Variants in INPP5A observed in about 807,000 individuals in gnomAD.
The protein encoded by INPP5A is inositol polyphosphate-5-phosphatase A, also known as 43 kDa inositol polyphosphate 5-phophatase.
A neutral mutation model predicts 65.2 loss-of-function variants in INPP5A; 14 were observed. That is an observed-to-expected ratio of 0.21 (90% CI 0.14 to 0.34). The LOEUF is 0.34. INPP5A is among the 10% of genes least tolerant of loss of function. The pLI, the probability that INPP5A is intolerant of heterozygous loss-of-function variation, is 1.00. For synonymous variants in INPP5A, 207 were observed against 208.3 expected (o/e 0.99, Z 0.05); for missense variants, 431 against 545.6 (o/e 0.79, Z 2.09).
intron 4 of INPP5A, among the ~76,000 whole-genome samples, chr10:132,686,145 G>A (rs1311810386): frequency 2.6e-5 from 4 of 152,198 alleles, no homozygotes; most frequent in Non-Finnish European, 5.9e-5. Context: ...CAGGTTAGCC[G>A]GGGTCTGGAT....
rs571161631 is a variant in INPP5A, at chr10:132,756,244, C to T, written c.903+6399C>T. 1.1e-3 allele frequency among the ~76,000 whole-genome samples: 170 copies of T among 152,036 alleles called. 1 individual carries two copies. The highest frequency in any genetic ancestry group is 4.0e-3 in the African/African-American group (164 of 41,454). ...TTTGTGTGGTGTATGTATGCGTGTA[C>T]ATGTGTGCACTCACGTGTGTGGTGT... On this transcript the variant is annotated intron_variant, in intron 11 of 15. Transcript: ENST00000368594.
At chr10:132,749,951 C>A in intron 11 of INPP5A, 106 bp downstream of exon 11, 1 of 975,982 alleles carries the variant, frequency 1.0e-6, no homozygotes, top group East Asian at 2.4e-5. Flanking sequence ...TTGTCCCTGC[C>A]ACCTCCAGGA....
At chr10:132,608,358 G>A (rs959533386) in intron 2 of INPP5A, among the ~76,000 whole-genome samples, 3 of 152,160 alleles carry the variant, frequency 2.0e-5, no homozygotes, top group Non-Finnish European at 4.4e-5. Context: ...CAGAGAGTGG[G>A]TGCTGGGCTG....
intron 1 of INPP5A, among the ~76,000 whole-genome samples, chr10:132,590,520 C>A (rs189901207): frequency 6.6e-6 from 1 of 152,128 alleles, no homozygotes; most frequent in African/African-American, 2.4e-5. Flanking sequence ...CATTGCGACA[C>A]GTGTAAAGAT....
intron 6 of INPP5A, among the ~76,000 whole-genome samples, chr10:132,703,850 A>ACG: frequency 3.3e-5 from 1 of 30,632 alleles, no homozygotes; most frequent in East Asian, 1.1e-3. Context: ...CCCCACACAC[A>ACG]CAAGCTTCAC....
chr10:132,642,301 G>A (rs1028900204), intron 2 of INPP5A, among the ~76,000 whole-genome samples: 40 of 152,222 alleles, frequency 2.6e-4, no homozygotes, highest in Non-Finnish European at 4.9e-4. Context: ...GTGTCCGGCG[G>A]GCTGGGGACG....
intron 1 of INPP5A, among the ~76,000 whole-genome samples, chr10:132,548,339 G>A (rs1387442937): frequency 6.6e-6 from 1 of 152,174 alleles, no homozygotes; most frequent in Non-Finnish European, 1.5e-5. Flanking sequence ...GGGGCCAGGG[G>A]AAGGGGTGTT....
intron 4 of INPP5A, among the ~76,000 whole-genome samples, chr10:132,673,818 T>G (rs1339331038): frequency 6.6e-6 from 1 of 152,204 alleles, no homozygotes; most frequent in East Asian, 1.9e-4. Flanking sequence ...TCCAATATAA[T>G]CAACCTGCCA....
chr10:132,711,500 C>T (rs1219501875), intron 8 of INPP5A, among the ~76,000 whole-genome samples: 2 of 152,188 alleles, frequency 1.3e-5, no homozygotes, highest in Non-Finnish European at 1.5e-5. Context: ...CTGAGACCAG[C>T]AGTTCTGCCC....
At position 132,575,167 on chromosome 10, in the gene INPP5A, A is replaced by G. The variant is rs1314620301; in HGVS notation, c.76-32748A>G. Among the ~76,000 whole-genome samples the G allele has an allele frequency of 1.3e-5, 2 of 152,112 alleles. No individual in the cohort carries two copies. Among genetic ancestry groups the G allele is most frequent in the Admixed American group, 6.5e-5 (1 of 15,268 alleles). The stretch of plus-strand genomic sequence containing the variant: ...CCGCTGGGACTCTGTTGAATGCTGC[A>G]TTCTTCCTCCGCAGGCTGGCGTTTG... On this transcript the variant is annotated intron_variant, in intron 1 of 15. Coordinates refer to ENST00000368594, the MANE Select transcript of INPP5A (RefSeq NM_005539.5). This position sits in a 1 kb window ranked among gnomAD's most constrained non-coding sequence, Gnocchi z 5.4.
intron 4 of INPP5A, among the ~76,000 whole-genome samples, chr10:132,658,538 C>G (rs1304282445): frequency 1.3e-5 from 2 of 152,186 alleles, no homozygotes. Context: ...TGGTCGGCTC[C>G]GTGCGTTCTG....
intron 8 of INPP5A, among the ~76,000 whole-genome samples, chr10:132,723,191 C>T (rs1320603385): frequency 6.6e-6 from 1 of 152,198 alleles, no homozygotes; most frequent in Non-Finnish European, 1.5e-5. Context: ...CCACCTGGTG[C>T]GTCGCCTGGC....
rs1590849082 is a variant in INPP5A, at chr10:132,587,611, C to A, written c.76-20304C>A. On this transcript the variant is annotated intron_variant, in intron 1 of 15. Transcript: ENST00000368594. This position sits in a 1 kb window ranked among gnomAD's most constrained non-coding sequence, Gnocchi z 4.3. The stretch of plus-strand genomic sequence containing the variant: ...CCTCTCCCTCTTTGTTGTTTGTATG[C>A]CGTGCTCAGAAGCTAGCCAGAGGAT... Among the ~76,000 whole-genome samples, 2 of 152,306 alleles carry A rather than the reference C, an allele frequency of 1.3e-5. No individual in the cohort carries two copies. The highest frequency in any genetic ancestry group is 3.9e-4 in the East Asian group (2 of 5,188).
At chr10:132,642,049 A>G (rs1210216943) in intron 2 of INPP5A, among the ~76,000 whole-genome samples, 1 of 152,228 alleles carries the variant, frequency 6.6e-6, no homozygotes, top group Non-Finnish European at 1.5e-5. Flanking sequence ...TGTGGAGAGC[A>G]GCCTGTGACC....
intron 1 of INPP5A, among the ~76,000 whole-genome samples, chr10:132,606,882 G>T (rs780264725): frequency 6.6e-6 from 1 of 152,202 alleles, no homozygotes; most frequent in African/African-American, 2.4e-5. Context: ...AACCGTTTCC[G>T]AGTGTGCAGT....
chr10:132,642,801 C>T (rs1006881262), intron 2 of INPP5A, among the ~76,000 whole-genome samples: 6 of 152,142 alleles, frequency 3.9e-5, no homozygotes, highest in Non-Finnish European at 7.3e-5. Context: ...GAGGGGCGGC[C>T]GCACGTGGGG....
chr10:132,559,509 C>G (rs530387776), intron 1 of INPP5A, among the ~76,000 whole-genome samples: 34 of 152,332 alleles, frequency 2.2e-4, no homozygotes, highest in African/African-American at 7.2e-4. Flanking sequence ...TCCTTTCCCC[C>G]CTTCCGCCAA....
At chr10:132,742,727 G>A (rs867623704) in intron 9 of INPP5A, among the ~76,000 whole-genome samples, 8 of 152,176 alleles carry the variant, frequency 5.3e-5, no homozygotes, top group Non-Finnish European at 8.8e-5. Flanking sequence ...CTTCCTTCCC[G>A]GGGTCTGGAA....
In INPP5A at chr10:132,586,478, A is replaced by G. The variant is rs147764841; in HGVS notation, c.76-21437A>G. 4.8e-3 allele frequency among the ~76,000 whole-genome samples: 734 copies of G among 152,322 alleles called. 5 individuals are homozygous for G. The highest frequency in any genetic ancestry group is 0.017 in the African/African-American group (698 of 41,572). ...GGGTGGGCACGACACGCCGTTCCCC[A>G]GAAACCCAGTTGACTTCCTCTGTGG... is the stretch of plus-strand genomic sequence containing the variant. On this transcript the variant is annotated intron_variant, in intron 1 of 15. Transcript: ENST00000368594.
Sources: allele counts gnomAD v4.1 joint callset (sites outside exome capture counted in the v4.1 genomes callset), GRCh38; gene constraint gnomAD v4.1.1; non-coding constraint Gnocchi (gnomAD v3.1); transcripts MANE v1.5; gene names NCBI Gene and HGNC (gene_info 2026-07-23, HGNC 2026-07-21).